Variants in LRRC4C observed in about 807,000 individuals in gnomAD.
LRRC4C encodes the protein leucine-rich repeat-containing protein 4C.
LRRC4C carries 5 observed loss-of-function variants against 33.6 expected under a neutral mutation model. That is an observed-to-expected ratio of 0.15 (90% CI 0.08 to 0.31). The LOEUF (loss-of-function observed/expected upper bound fraction) is 0.31, where lower values mean the gene tolerates loss of function less well. Ranked by LOEUF, LRRC4C falls within the 10% of genes least tolerant of loss-of-function variation. LRRC4C has a pLI of 1.00. For missense variants in LRRC4C, 560 were observed against 796.7 expected (o/e 0.70, Z 3.58); for synonymous variants, 329 against 302.0 (o/e 1.09, Z -0.93).
At chr11:40,700,788 A>C (rs1467157170) in intron 2 of LRRC4C, among the ~76,000 whole-genome samples, 1 of 152,154 alleles carries the variant, frequency 6.6e-6, no homozygotes, top group Non-Finnish European at 1.5e-5. Flanking sequence ...TTTGACACCT[A>C]ATTTAACAAT....
chr11:40,711,001 G>T (rs1024800163), intron 2 of LRRC4C, among the ~76,000 whole-genome samples: 16 of 152,342 alleles, frequency 1.1e-4, no homozygotes, highest in African/African-American at 3.4e-4. Context: ...CGCTGAGCCA[G>T]GCGTGGGATA....
Position 40,579,860 on chromosome 11 carries a change from C to T in LRRC4C, c.-270+68282G>A, listed in dbSNP as rs1005023219. Among the ~76,000 whole-genome samples the T allele has an allele frequency of 7.9e-5, 12 of 152,232 alleles. No individual in the cohort carries two copies. The South Asian group carries it at 1.7e-3, about 21-fold the overall frequency. ...GGCTGGAGTGCAGTGGCGCGATCTTCGCTCACTTCAATCCCCATCTCCTGG... is the reference window on the plus strand; with the variant it reads ...GGCTGGAGTGCAGTGGCGCGATCTTTGCTCACTTCAATCCCCATCTCCTGG... On this transcript the variant is annotated intron_variant, in intron 3 of 6. Transcript: ENST00000528697.
chr11:40,717,073 T>C (rs1946762925), intron 2 of LRRC4C, among the ~76,000 whole-genome samples: 1 of 152,180 alleles, frequency 6.6e-6, no homozygotes, highest in Non-Finnish European at 1.5e-5. Context: ...TGTATTTTGA[T>C]TATAGGCATC....
chr11:40,243,735 G>A (rs370743504), intron 4 of LRRC4C, among the ~76,000 whole-genome samples: 5 of 143,688 alleles, frequency 3.5e-5, no homozygotes, highest in Non-Finnish European at 6.0e-5. Flanking sequence ...TGTCTCCCAG[G>A]CTGAAGTGCA....
intron 3 of LRRC4C, among the ~76,000 whole-genome samples, chr11:40,627,264 AGAGAGAGAGAGC>A (rs956465381): frequency 2.7e-5 from 2 of 73,572 alleles, no homozygotes; most frequent in Non-Finnish European, 6.0e-5. Context: ...AGAGAGAGAG[AGAGAGAGAGAGC>A]GAGAGAGAGA....
chr11:41,107,053 T>A (rs1019943413), intron 1 of LRRC4C, among the ~76,000 whole-genome samples: 4 of 74,172 alleles, frequency 5.4e-5, no homozygotes, highest in Non-Finnish European at 1.1e-4. Flanking sequence ...GCGTTTTAGG[T>A]TTTGATTTTT....
At chr11:40,552,179 T>C (rs1211137709) in intron 3 of LRRC4C, among the ~76,000 whole-genome samples, 1 of 152,218 alleles carries the variant, frequency 6.6e-6, no homozygotes, top group African/African-American at 2.4e-5. Context: ...TCTGTCTTTC[T>C]ATACATCCCA....
intron 2 of LRRC4C, among the ~76,000 whole-genome samples, chr11:40,705,967 C>T (rs1946149833): frequency 6.6e-6 from 1 of 152,130 alleles, no homozygotes; most frequent in Non-Finnish European, 1.5e-5. Flanking sequence ...TGATGATGAG[C>T]ATTTTTTCCT....
At chr11:40,743,212 G>C (rs1480438452) in intron 2 of LRRC4C, among the ~76,000 whole-genome samples, 4 of 152,036 alleles carry the variant, frequency 2.6e-5, no homozygotes, top group Non-Finnish European at 5.9e-5. Flanking sequence ...AACAGTGAAA[G>C]CATGCATTTA....
intron 2 of LRRC4C, among the ~76,000 whole-genome samples, chr11:40,875,514 T>C (rs1043779153): frequency 6.6e-6 from 1 of 152,156 alleles, no homozygotes; most frequent in Non-Finnish European, 1.5e-5. Flanking sequence ...CAGAGTAGAA[T>C]ATGGACTGCC....
At chr11:40,709,602 G>A (rs2136570342) in intron 2 of LRRC4C, among the ~76,000 whole-genome samples, 1 of 152,164 alleles carries the variant, frequency 6.6e-6, no homozygotes, top group South Asian at 2.1e-4. Flanking sequence ...TTCCTTTTGT[G>A]GGAAACTCGA....
At chr11:40,265,500 A>C (rs552468686) in intron 4 of LRRC4C, among the ~76,000 whole-genome samples, 1 of 152,324 alleles carries the variant, frequency 6.6e-6, no homozygotes, top group African/African-American at 2.4e-5. Context: ...GCAACCCCAA[A>C]GTGTCTCAAA....
At chr11:40,962,175 G>A (rs540016663) in intron 1 of LRRC4C, among the ~76,000 whole-genome samples, 1 of 151,558 alleles carries the variant, frequency 6.6e-6, no homozygotes, top group Non-Finnish European at 1.5e-5. Flanking sequence ...AGAGATACAA[G>A]GATGAAAGCA....
chr11:41,356,076 CAG>C (rs1952150448), intron 1 of LRRC4C, among the ~76,000 whole-genome samples: 2 of 152,042 alleles, frequency 1.3e-5, no homozygotes, highest in Admixed American at 1.3e-4. Flanking sequence ...AAAATATAAA[CAG>C]AAAATTAATA....
chr11:41,282,024 G>A (rs1302291962), intron 1 of LRRC4C, among the ~76,000 whole-genome samples: 1 of 152,230 alleles, frequency 6.6e-6, no homozygotes, highest in Non-Finnish European at 1.5e-5. Flanking sequence ...GATGTGTGGG[G>A]TGGATGGAAG....
At chr11:40,152,450 C>A (rs760918793) in intron 5 of LRRC4C, among the ~76,000 whole-genome samples, 1 of 152,144 alleles carries the variant, frequency 6.6e-6, no homozygotes, top group Non-Finnish European at 1.5e-5. Flanking sequence ...TTGGCCAGAA[C>A]TCAAGGGAGG....
Position 40,716,982 on chromosome 11 carries a change from CATGTT to C in LRRC4C, c.-406-68709_-406-68705del, listed in dbSNP as rs1436201121. ...CCAATCATACTGAGAAAGGAAACAT[CATGTT>C]GCCCTTTTTCTGCAGGACTAAGCCT... is the stretch of plus-strand genomic sequence containing the variant. On this transcript the variant is annotated intron_variant, in intron 2 of 6. Coordinates refer to ENST00000528697, the MANE Select transcript of LRRC4C (RefSeq NM_001258419.2). 3.3e-5 allele frequency among the ~76,000 whole-genome samples: 5 copies of C among 152,278 alleles called. No individual in the cohort carries two copies. The South Asian group carries it at 8.3e-4, about 25-fold the overall frequency.
At chr11:40,493,234 T>C (rs1245033335) in intron 3 of LRRC4C, among the ~76,000 whole-genome samples, 2 of 152,026 alleles carry the variant, frequency 1.3e-5, no homozygotes, top group East Asian at 1.9e-4. Context: ...TGTAAGGAAA[T>C]GGTAACTTTA....
At chr11:40,297,232 T>C (rs1944557891) in intron 4 of LRRC4C, among the ~76,000 whole-genome samples, 1 of 152,220 alleles carries the variant, frequency 6.6e-6, no homozygotes. Context: ...GCACAATACA[T>C]ACTTAAAGTT....
Sources: allele counts gnomAD v4.1 joint callset (sites outside exome capture counted in the v4.1 genomes callset), GRCh38; gene constraint gnomAD v4.1.1; transcripts MANE v1.5; gene names NCBI Gene and HGNC (gene_info 2026-07-23, HGNC 2026-07-21).